The following CBFA2T3 variants were observed in gnomAD, a reference collection of about 807,000 sequenced individuals.
CBFA2T3 encodes CBFA2/RUNX1 partner transcriptional co-repressor 3.
Under a neutral mutation model 58.6 loss-of-function variants are expected in CBFA2T3, and 31 were observed. That is an observed-to-expected ratio of 0.53 (90% CI 0.40 to 0.71). The LOEUF is 0.71. Ranked by LOEUF, CBFA2T3 falls within the 30% of genes least tolerant of loss-of-function variation. The pLI is 0.00. For missense variants in CBFA2T3, 1,076 were observed against 963.1 expected, an observed-to-expected ratio of 1.12 and a Z score of -1.55; for synonymous variants, 531 against 421.9, an observed-to-expected ratio of 1.26 and a Z score of -3.17.
rs1037482306 is a variant in CBFA2T3, at chr16:88,880,965, CG to C, written c.1403-178del. The C allele has an allele frequency of 4.1e-5, 28 of 677,720 alleles. No homozygotes were observed. In the Middle Eastern group the frequency reaches 1.1e-3, roughly 28 times the overall value. The allele number at this position is 677,720 out of a possible 1,614,324, so 42.0% of individuals were successfully genotyped here. ...AGGCACCCAGGGCAGTGCCCGGGCA[CG>C]GGGGGCATTGGAGCTGTGGACCTTG... On this transcript the variant is annotated intron_variant, in intron 9 of 11. Transcript: ENST00000268679.
chr16:88,892,006 G>A (rs1274992744), intron 4 of CBFA2T3, 35 bp from the exon 5 acceptor site: 6 of 1,556,126 alleles, frequency 3.9e-6, no homozygotes, highest in East Asian at 2.2e-5. Context: ...CATCAGCACC[G>A]CTCGGCATGT....
intron 1 of CBFA2T3, among the ~76,000 whole-genome samples, chr16:88,929,033 G>A (rs545313931): frequency 5.9e-5 from 9 of 152,330 alleles, no homozygotes; most frequent in Non-Finnish European, 1.2e-4. Context: ...CGTTCCTGGA[G>A]AGCTGTGACT....
intron 7 of CBFA2T3, chr16:88,883,939 A>G (rs1969245038): frequency 6.6e-6 from 1 of 152,200 alleles, no homozygotes; most frequent in Admixed American, 6.5e-5. Context: ...GGCCCTTTTC[A>G]GCCCCTAAAG....
chr16:88,967,614 A>G (rs1297029920), intron 1 of CBFA2T3, among the ~76,000 whole-genome samples: 1 of 151,834 alleles, frequency 6.6e-6, no homozygotes, highest in Non-Finnish European at 1.5e-5. Flanking sequence ...GACCTACAGG[A>G]ATTCCTTTCT....
chr16:88,885,099 T>C lies in CBFA2T3; in HGVS notation c.1064A>G (p.Asp355Gly). ...EDIAMAHHFRDAYRHPDPREL... is the reference protein window; with the variant it reads ...EDIAMAHHFRGAYRHPDPREL... Reference sequence around the variant, plus strand: ...CCGGGGGTCTGGGTGGCGGTAGGCATCTCGGAAGTGGTGGGCCATGGCTAT... The same window carrying C: ...CCGGGGGTCTGGGTGGCGGTAGGCACCTCGGAAGTGGTGGGCCATGGCTAT... The change falls in exon 7 of 12, where the codon GAT (aspartate) becomes GGT (glycine). Residue 355 changes from aspartate to glycine, a missense_variant. By Grantham distance (94) the Asp-to-Gly change is moderately conservative. Transcript: ENST00000268679. This position sits in a 1 kb window ranked among gnomAD's most constrained non-coding sequence, Gnocchi z 5.3. 3 of 1,602,368 alleles carry C rather than the reference T, an allele frequency of 1.9e-6. No individual in the cohort carries two copies. The highest frequency in any genetic ancestry group is 2.5e-6 in the Non-Finnish European group (3 of 1,177,462).
intron 2 of CBFA2T3, among the ~76,000 whole-genome samples, chr16:88,898,947 T>TAGTGAGTTCTCAA (rs1969997909): frequency 6.6e-6 from 1 of 152,144 alleles, no homozygotes; most frequent in South Asian, 2.1e-4. Context: ...TAAAGACGGG[T>TAGTGAGTTCTCAA]AGTGAGTTCT....
intron 1 of CBFA2T3, among the ~76,000 whole-genome samples, chr16:88,946,274 C>G (rs1390886944): frequency 6.6e-6 from 1 of 151,770 alleles, no homozygotes; most frequent in East Asian, 1.9e-4. Flanking sequence ...GATCATGCCA[C>G]TGCACTCCAC....
At chr16:88,946,297 A>T (rs1383837999) in intron 1 of CBFA2T3, among the ~76,000 whole-genome samples, 1 of 151,784 alleles carries the variant, frequency 6.6e-6, no homozygotes, top group Admixed American at 6.6e-5. Context: ...TGGGCAACAG[A>T]GCAACACTCC....
rs566864090 is a variant in CBFA2T3 at position 88,877,099 on chromosome 16, G to C, written c.1839C>G (p.Ala613=). ...GCAGGGAGGGGCCCAGGCTGTGGGC[G>C]GCTTCGGGCGGTCCAGGCACCGGGT... ...VADPVPGPPE[A]AHSLGPSLPV... The change falls in exon 12 of 12, where the codon GCC becomes GCG. Residue 613 remains alanine, a synonymous_variant. Transcript: ENST00000268679. 2.6e-6 allele frequency: 4 copies of C among 1,542,804 alleles called. No homozygotes were observed. The highest frequency in any genetic ancestry group is 3.5e-6 in the Non-Finnish European group (4 of 1,143,434).
At chr16:88,973,205 C>T (rs913121135) in intron 1 of CBFA2T3, among the ~76,000 whole-genome samples, 6 of 152,244 alleles carry the variant, frequency 3.9e-5, no homozygotes, top group African/African-American at 7.2e-5. Flanking sequence ...TGTGTCCCAC[C>T]GCCTGGAGTG....
rs1163815791 is a variant in CBFA2T3, at chr16:88,875,192, C to G, written c.*1784G>C. The G allele has an allele frequency of 4.2e-6, 1 of 235,302 alleles. No homozygotes were observed. The allele number at this position is 235,302 out of a possible 1,614,324, so 14.6% of individuals were successfully genotyped here. On this transcript the variant is annotated 3_prime_UTR_variant, in exon 12 of 12. Coordinates refer to ENST00000268679, the MANE Select transcript of CBFA2T3 (RefSeq NM_005187.6). ...ACGGGCCACACCACGCACACAGATG[C>G]CAAGCCACGGGCCACGCCACACGCA...
Position 88,891,835 on chromosome 16 carries a change from G to A in CBFA2T3, c.711+47C>T, listed in dbSNP as rs777059568. The A allele has an allele frequency of 3.0e-6, 4 of 1,337,934 alleles. No individual in the cohort carries two copies. In the East Asian group the frequency reaches 7.0e-5, roughly 23 times the overall value. 82.9% of individuals were successfully genotyped at this position (1,337,934 alleles called of 1,614,324 possible). On this transcript the variant is annotated intron_variant, in intron 5 of 11. Transcript: ENST00000268679. The stretch of plus-strand genomic sequence containing the variant: ...CGCTGGCAAGGAGTGGGATTAAGGG[G>A]CCTTCTAGGGAGGCTCCCGCAGCAC...
intron 1 of CBFA2T3, among the ~76,000 whole-genome samples, chr16:88,902,870 C>A (rs769863704): frequency 6.6e-6 from 1 of 152,166 alleles, no homozygotes; most frequent in Non-Finnish European, 1.5e-5. Flanking sequence ...CCCACGACTG[C>A]CCCGCACCCT....
chr16:88,896,422 G>A (rs1020132437), intron 3 of CBFA2T3, among the ~76,000 whole-genome samples: 27 of 152,266 alleles, frequency 1.8e-4, no homozygotes, highest in Admixed American at 2.6e-4. Context: ...CACCGATAAC[G>A]GCGTCGTATT....
chr16:88,883,164 G>A (rs935408849), intron 7 of CBFA2T3: 1 of 292,434 alleles, frequency 3.4e-6, no homozygotes, highest in Non-Finnish European at 6.7e-6. Context: ...GGCTTTGTTA[G>A]ACTAAGCGTG....
intron 5 of CBFA2T3, among the ~76,000 whole-genome samples, chr16:88,889,719 C>T (rs184507849): frequency 6.6e-6 from 1 of 151,936 alleles, no homozygotes; most frequent in East Asian, 1.9e-4. Context: ...CGCGATTCCT[C>T]CTCCTCCAGG....
At chr16:88,898,231 C>T (rs1969962741) in intron 2 of CBFA2T3, 79 bp from the exon 3 acceptor site, 2 of 1,071,974 alleles carry the variant, frequency 1.9e-6, no homozygotes, top group Non-Finnish European at 2.9e-6. Context: ...CCCGCGGCCA[C>T]CTTTTCCTAC....
At chr16:88,897,049 C>T (rs1278460070) in intron 3 of CBFA2T3, among the ~76,000 whole-genome samples, 3 of 152,262 alleles carry the variant, frequency 2.0e-5, no homozygotes, top group East Asian at 1.9e-4. Context: ...CCGCGGCTCC[C>T]CCAGCCTCAG....
In CBFA2T3 at chr16:88,876,853, C is replaced by T. The variant is rs575389833; in HGVS notation, c.*123G>A. ...GCAGTGACTAATTGGTCGGCTCCCC[C>T]AGGTCAGGCGGGGCGCAGTGTCTGG... On this transcript the variant is annotated 3_prime_UTR_variant, in exon 12 of 12. Coordinates refer to ENST00000268679, the MANE Select transcript of CBFA2T3 (RefSeq NM_005187.6). 2.6e-6 allele frequency: 2 copies of T among 761,076 alleles called. No individual in the cohort carries two copies. Among genetic ancestry groups the T allele is most frequent in the Non-Finnish European group, 3.9e-6 (2 of 516,232 alleles). The allele number at this position is 761,076 out of a possible 1,614,324, so 47.1% of individuals were successfully genotyped here. A position where few individuals can be genotyped will look rare whatever the true frequency, so the allele number is the denominator to read the frequency against.
Sources: gnomAD v4.1 joint callset for allele counts (sites outside exome capture counted in the v4.1 genomes callset) on GRCh38, gnomAD v4.1.1 for gene constraint, Gnocchi (gnomAD v3.1) non-coding constraint, MANE v1.5 for transcripts, NCBI Gene and HGNC (gene_info 2026-07-23, HGNC 2026-07-21) for gene names.